Variants in ARFIP1 observed in about 807,000 individuals in gnomAD.
ARFIP1 encodes ARF interacting protein 1.
In ARFIP1, 24 loss-of-function variants were observed where a neutral mutation model predicts 42.5. The ratio of observed to expected loss-of-function variants is 0.57; its 90% CI spans 0.41 to 0.80. The LOEUF is 0.80. Among genes scored for constraint, ARFIP1 ranks in the 30% least tolerant of loss-of-function variants. The probability of loss-of-function intolerance (pLI) is 0.00; values close to 1 mark genes in which losing one functional copy is unlikely to be tolerated. For synonymous variants in ARFIP1, 141 were observed against 153.7 expected (o/e 0.92, Z 0.61); for missense variants, 354 against 434.0 (o/e 0.82, Z 1.64).
At chr4:152,904,502 T>C (rs1738139228) in intron 8 of ARFIP1, among the ~76,000 whole-genome samples, 1 of 152,016 alleles carries the variant, frequency 6.6e-6, no homozygotes, top group Non-Finnish European at 1.5e-5. Context: ...ATCACCTAAA[T>C]ATTAAGGCCT....
At chr4:152,812,177 T>C (rs1309789475) in intron 1 of ARFIP1, among the ~76,000 whole-genome samples, 11 of 152,234 alleles carry the variant, frequency 7.2e-5, no homozygotes, top group Non-Finnish European at 1.3e-4. Flanking sequence ...CAGAATCTTT[T>C]TTGCAGTATC....
intron 8 of ARFIP1, among the ~76,000 whole-genome samples, chr4:152,898,248 C>T (rs944554433): frequency 6.6e-6 from 1 of 152,080 alleles, no homozygotes; most frequent in Non-Finnish European, 1.5e-5. Flanking sequence ...TCCCAAAGTG[C>T]TGGGATTACA....
At chr4:152,830,433 T>C (rs1731171578) in intron 2 of ARFIP1, among the ~76,000 whole-genome samples, 1 of 152,212 alleles carries the variant, frequency 6.6e-6, no homozygotes, top group African/African-American at 2.4e-5. Flanking sequence ...ATGGTTATTA[T>C]TTCTGGAGAT....
chr4:152,825,221 A>G (rs1206372025), intron 1 of ARFIP1, among the ~76,000 whole-genome samples: 1 of 152,176 alleles, frequency 6.6e-6, no homozygotes, highest in Non-Finnish European at 1.5e-5. Flanking sequence ...ATTCATATGG[A>G]ACCAAAAAAG....
At chr4:152,790,062 T>C (rs907066193) in intron 1 of ARFIP1, among the ~76,000 whole-genome samples, 2 of 152,336 alleles carry the variant, frequency 1.3e-5, no homozygotes, top group South Asian at 2.1e-4. Context: ...TAAGGAAATA[T>C]ATGTGTGTAC....
chr4:152,854,084 T>G (rs559349697), intron 2 of ARFIP1, among the ~76,000 whole-genome samples: 54 of 152,040 alleles, frequency 3.6e-4, no homozygotes, highest in Admixed American at 2.0e-3. Context: ...AGCTAATTTT[T>G]GTATTTTTAG....
chr4:152,894,296 A>G (rs947475108), intron 8 of ARFIP1, among the ~76,000 whole-genome samples: 1 of 152,158 alleles, frequency 6.6e-6, no homozygotes, highest in Non-Finnish European at 1.5e-5. Flanking sequence ...CTTTGAGGGC[A>G]GAAGTATTCT....
intron 3 of ARFIP1, among the ~76,000 whole-genome samples, chr4:152,866,886 A>C (rs1050617841): frequency 6.7e-6 from 1 of 149,838 alleles, no homozygotes; most frequent in African/African-American, 2.5e-5. Flanking sequence ...CACTCCCCAC[A>C]TCTCAGATGA....
At chr4:152,864,396 T>C (rs1218797221) in intron 3 of ARFIP1, among the ~76,000 whole-genome samples, 1 of 152,238 alleles carries the variant, frequency 6.6e-6, no homozygotes, top group Non-Finnish European at 1.5e-5. Flanking sequence ...GGCTATGATT[T>C]ATTGTAATGA....
intron 4 of ARFIP1, among the ~76,000 whole-genome samples, chr4:152,872,135 A>G (rs1734936551): frequency 6.6e-6 from 1 of 152,104 alleles, no homozygotes; most frequent in African/African-American, 2.4e-5. Flanking sequence ...AGTTGTGGAA[A>G]TTTTATTTTT....
At chr4:152,903,153 A>G (rs941470146) in intron 8 of ARFIP1, among the ~76,000 whole-genome samples, 1 of 152,230 alleles carries the variant, frequency 6.6e-6, no homozygotes, top group Non-Finnish European at 1.5e-5. Flanking sequence ...ATACACATGC[A>G]TATCATAGTA....
rs769246415 is a variant in ARFIP1 at position 152,882,795 on chromosome 4, A to G, written c.706A>G (p.Asn236Asp). 6.2e-6 allele frequency: 10 copies of G among 1,612,976 alleles called. No individual in the cohort carries two copies. The East Asian group carries it at 6.7e-5, about 11-fold the overall frequency. ...TGGAGAGACTCTTCTTGGGGCCATT[A>G]ATTTTTTCATTGCTAGTGTGAACAC... Reference protein sequence around the residue: ...KNGETLLGAINFFIASVNTLV... With the variant: ...KNGETLLGAIDFFIASVNTLV... The change falls in exon 7 of 9, where the codon AAT becomes GAT. Residue 236 changes from asparagine to aspartate, a missense_variant. By Grantham distance (23) the Asn-to-Asp change is conservative (BLOSUM62 1). Transcript: ENST00000353617.
At position 152,904,198 on chromosome 4, in the gene ARFIP1, A is replaced by ATATATATATT. The variant is rs36085096; in HGVS notation, c.967-5865_967-5864insATATATATTT. On this transcript the variant is annotated intron_variant, in intron 8 of 8. Transcript: ENST00000353617. ...TGTGTGTGTATATATATATATATATATTTTTTTTTTTTTAACGGAGTCTCG... is the reference window on the plus strand; with the variant it reads ...TGTGTGTGTATATATATATATATATATATATATATTTTTTTTTTTTTTTAACGGAGTCTCG... Among the ~76,000 whole-genome samples the ATATATATATT allele has an allele frequency of 4.3e-3, 539 of 126,550 alleles. 5 individuals are homozygous for ATATATATATT. The highest frequency in any genetic ancestry group is 0.017 in the African/African-American group (507 of 30,592). The allele number at this position is 126,550 out of a possible 152,430, so 83.0% of individuals were successfully genotyped here.
intron 3 of ARFIP1, among the ~76,000 whole-genome samples, chr4:152,865,008 A>T (rs1331074813): frequency 6.6e-6 from 1 of 150,626 alleles, no homozygotes; most frequent in East Asian, 2.0e-4. Flanking sequence ...ACTGTAAAGT[A>T]GTAGCTACAG....
In ARFIP1 at chr4:152,872,450, A is replaced by G. The variant is rs781258596; in HGVS notation, c.299-2A>G. ...GTGTTTTTATCTTTTGTTATCTTGC[A>G]GGTGGCCAGAGAACACAGACAAAAA... On this transcript the variant is annotated splice_acceptor_variant, in intron 4 of 8. Transcript: ENST00000353617. LOFTEE classifies it high-confidence loss of function. The G allele has an allele frequency of 6.3e-7, 1 of 1,582,316 alleles. No homozygotes were observed.
chr4:152,830,298 G>GTTAT (rs1377200208), intron 2 of ARFIP1, among the ~76,000 whole-genome samples: 1 of 152,086 alleles, frequency 6.6e-6, no homozygotes, highest in African/African-American at 2.4e-5. Flanking sequence ...CCTTGAGCCA[G>GTTAT]TTATTTATTT....
chr4:152,807,941 G>A (rs1729114351), intron 1 of ARFIP1, among the ~76,000 whole-genome samples: 1 of 151,802 alleles, frequency 6.6e-6, no homozygotes, highest in South Asian at 2.1e-4. Context: ...GTACTCTTTG[G>A]TTCTGGTCTC....
rs760301712 is a variant in ARFIP1, at chr4:152,910,245, GTCGCGTTGTTATA to G, written c.*28_*40del. The stretch of plus-strand genomic sequence containing the variant: ...AATCACAGCGGAAAATAAAAAGAAA[GTCGCGTTGTTATA>G]TTTCTAAACCAACCTAACAAGAATT... On this transcript the variant is annotated 3_prime_UTR_variant, in exon 9 of 9. Transcript: ENST00000353617. The G allele has an allele frequency of 5.0e-6, 8 of 1,604,626 alleles. No individual in the cohort carries two copies. Among genetic ancestry groups the G allele is most frequent in the Non-Finnish European group, 6.0e-6 (7 of 1,176,024 alleles).
intron 1 of ARFIP1, among the ~76,000 whole-genome samples, chr4:152,828,257 A>C (rs1730991019): frequency 6.6e-6 from 1 of 152,194 alleles, no homozygotes. Flanking sequence ...CATATGTAAG[A>C]GTATGTTTAA....
Sources: gnomAD v4.1 joint callset for allele counts (sites outside exome capture counted in the v4.1 genomes callset) on GRCh38, gnomAD v4.1.1 for gene constraint, MANE v1.5 for transcripts, NCBI Gene and HGNC (gene_info 2026-07-23, HGNC 2026-07-21) for gene names.